CACNA2D1: variants seen among roughly 807,000 people sequenced by gnomAD.
CACNA2D1 encodes the protein calcium voltage-gated channel auxiliary subunit alpha2delta 1.
Under a neutral mutation model 171.5 loss-of-function variants are expected in CACNA2D1, and 53 were observed. The ratio of observed to expected loss-of-function variants is 0.31; its 90% CI spans 0.25 to 0.39. The LOEUF (loss-of-function observed/expected upper bound fraction) is 0.39, where lower values mean the gene tolerates loss of function less well. CACNA2D1 is among the 10% of genes least tolerant of loss of function. CACNA2D1 has a pLI of 1.00. For synonymous variants in CACNA2D1, 442 were observed against 443.1 expected (o/e 1.00, Z 0.03); for missense variants, 903 against 1,299.8 (o/e 0.69, Z 4.69).
intron 3 of CACNA2D1, among the ~76,000 whole-genome samples, chr7:82,172,616 CTTTTTTTTT>C (rs55737158): frequency 3.1e-5 from 2 of 64,510 alleles, no homozygotes; most frequent in African/African-American, 7.5e-5. Context: ...AGAAACCCGG[CTTTTTTTTT>C]TTTTTTTTTT....
chr7:82,419,065 G>A (rs944640180), intron 1 of CACNA2D1, among the ~76,000 whole-genome samples: 15 of 150,472 alleles, frequency 1.0e-4, no homozygotes, highest in Non-Finnish European at 1.3e-4. Context: ...AGCCGAGCTC[G>A]CGCCACTGCA....
At chr7:82,116,896 C>A (rs1265699769) in intron 6 of CACNA2D1, 148 bp downstream of exon 6, 7 of 873,592 alleles carry the variant, frequency 8.0e-6, no homozygotes, top group East Asian at 5.0e-5. Flanking sequence ...CAGATTGATT[C>A]TTTCACATAA....
chr7:82,174,132 G>C (rs1021537066), intron 3 of CACNA2D1, among the ~76,000 whole-genome samples: 1 of 148,060 alleles, frequency 6.8e-6, no homozygotes, highest in Non-Finnish European at 1.5e-5. Context: ...TCCATAGTTG[G>C]CTATATAAGT....
chr7:81,964,622 A>G (rs1236088501), intron 32 of CACNA2D1, among the ~76,000 whole-genome samples: 1 of 151,946 alleles, frequency 6.6e-6, no homozygotes, highest in Non-Finnish European at 1.5e-5. Flanking sequence ...ATTAAATCAC[A>G]ATCAAATGCT....
chr7:81,994,059 A>G (rs1022028774), intron 20 of CACNA2D1, among the ~76,000 whole-genome samples: 1 of 152,096 alleles, frequency 6.6e-6, no homozygotes, highest in Non-Finnish European at 1.5e-5. Context: ...CCTTCCACCT[A>G]GGGAAGGATC....
chr7:82,211,356 C>T (rs1800531679), intron 3 of CACNA2D1, among the ~76,000 whole-genome samples: 1 of 152,094 alleles, frequency 6.6e-6, no homozygotes, highest in African/African-American at 2.4e-5. Context: ...CCTCACCCTT[C>T]CCCCACCCTC....
intron 3 of CACNA2D1, among the ~76,000 whole-genome samples, chr7:82,330,750 T>C (rs1040948137): frequency 3.3e-5 from 5 of 152,180 alleles, no homozygotes; most frequent in African/African-American, 4.8e-5. Context: ...CATGGATGAA[T>C]AGAACTTTAC....
chr7:82,019,245 G>T (rs1010427267), intron 12 of CACNA2D1, among the ~76,000 whole-genome samples: 1 of 151,744 alleles, frequency 6.6e-6, no homozygotes, highest in Admixed American at 6.6e-5. Context: ...ACTTGAACCC[G>T]GGAGGTGGAG....
intron 19 of CACNA2D1, 44 bp downstream of exon 19, chr7:81,997,135 G>A (rs1212083802): frequency 4.7e-6 from 5 of 1,072,696 alleles, no homozygotes; most frequent in African/African-American, 1.5e-5. Flanking sequence ...GTGCATACCA[G>A]CATCTGACCT....
At chr7:82,046,580 C>T (rs2131276012) in intron 10 of CACNA2D1, among the ~76,000 whole-genome samples, 1 of 152,300 alleles carries the variant, frequency 6.6e-6, no homozygotes, top group Middle Eastern at 3.4e-3. Flanking sequence ...TTGCTCCTTT[C>T]TGAAATAAAG....
chr7:82,386,783 A>G (rs911355141), intron 1 of CACNA2D1, among the ~76,000 whole-genome samples: 1 of 147,906 alleles, frequency 6.8e-6, no homozygotes, highest in Admixed American at 6.8e-5. Flanking sequence ...AATAAATAAA[A>G]TAACTAATAC....
chr7:82,073,965 C>T (rs1459259725), intron 7 of CACNA2D1, among the ~76,000 whole-genome samples: 1 of 151,706 alleles, frequency 6.6e-6, no homozygotes, highest in Non-Finnish European at 1.5e-5. Flanking sequence ...GAACTAGGCA[C>T]ATAGAGACAC....
At chr7:82,160,565 C>T (rs1794842520) in intron 4 of CACNA2D1, among the ~76,000 whole-genome samples, 1 of 152,006 alleles carries the variant, frequency 6.6e-6, no homozygotes, top group Admixed American at 6.6e-5. Context: ...GGCTGGAGTG[C>T]TGTAGCACAA....
chr7:82,377,143 C>T lies in CACNA2D1; in HGVS notation c.96-27494G>A, dbSNP rs543373889. ...AATCTGGATGAATTGTGTAAAACTG[C>T]CAGGTTCCATTCCTAATAAAAATTG... On this transcript the variant is annotated intron_variant, in intron 1 of 38. Transcript: ENST00000356860. 2.0e-5 allele frequency among the ~76,000 whole-genome samples: 3 copies of T among 152,274 alleles called. No individual in the cohort carries two copies. In the South Asian group the frequency reaches 6.2e-4, roughly 32 times the overall value.
intron 3 of CACNA2D1, among the ~76,000 whole-genome samples, chr7:82,210,513 G>A (rs180902749): frequency 6.6e-6 from 1 of 152,246 alleles, no homozygotes; most frequent in East Asian, 1.9e-4. Context: ...TATGAGCTGG[G>A]ACTTAGAGAT....
intron 9 of CACNA2D1, among the ~76,000 whole-genome samples, chr7:82,061,122 A>G (rs776290086): frequency 4.6e-5 from 7 of 152,084 alleles, no homozygotes; most frequent in Admixed American, 2.6e-4. Flanking sequence ...CTAGCTCCCA[A>G]CACTTTCCTG....
chr7:82,275,691 C>T (rs1023188534), intron 3 of CACNA2D1, among the ~76,000 whole-genome samples: 9 of 152,208 alleles, frequency 5.9e-5, no homozygotes, highest in Non-Finnish European at 1.0e-4. Flanking sequence ...AAAGGCAATA[C>T]GCACAGGAAG....
intron 24 of CACNA2D1, among the ~76,000 whole-genome samples, chr7:81,978,005 A>G (rs908757714): frequency 6.6e-6 from 1 of 152,246 alleles, no homozygotes; most frequent in Admixed American, 6.5e-5. Context: ...ACCACTGGTC[A>G]TTACAGAAAT....
intron 3 of CACNA2D1, among the ~76,000 whole-genome samples, chr7:82,230,903 C>A (rs1359899212): frequency 1.3e-5 from 2 of 152,132 alleles, no homozygotes; most frequent in South Asian, 4.1e-4. Context: ...CAAACTTCTC[C>A]CTTATATAAG....
Sources: allele counts gnomAD v4.1 joint callset (sites outside exome capture counted in the v4.1 genomes callset), GRCh38; gene constraint gnomAD v4.1.1; transcripts MANE v1.5; gene names NCBI Gene and HGNC (gene_info 2026-07-23, HGNC 2026-07-21).